The following RORA variants were observed in gnomAD, a reference collection of about 807,000 sequenced individuals.
RORA encodes the protein nuclear receptor ROR-alpha.
In RORA, 7 loss-of-function variants were observed where a neutral mutation model predicts 69.5. The ratio of observed to expected loss-of-function variants is 0.10; its 90% confidence interval spans 0.06 to 0.19. The LOEUF (loss-of-function observed/expected upper bound fraction) is 0.19, where lower values mean the gene tolerates loss of function less well. RORA is among the 10% of genes least tolerant of loss of function. The pLI, the probability that RORA is intolerant of heterozygous loss-of-function variation, is 1.00. For synonymous variants in RORA, 261 were observed against 240.8 expected, an observed-to-expected ratio of 1.08 and a Z score of -0.78; for missense variants, 457 against 663.0, an observed-to-expected ratio of 0.69 and a Z score of 3.41.
At chr15:60,556,608 G>A (rs1051648263) in intron 2 of RORA, among the ~76,000 whole-genome samples, 1 of 152,122 alleles carries the variant, frequency 6.6e-6, no homozygotes, top group Non-Finnish European at 1.5e-5. Context: ...TCACTGACTG[G>A]GGAATGTGCC....
intron 1 of RORA, among the ~76,000 whole-genome samples, chr15:60,730,065 C>T (rs763318291): frequency 2.0e-5 from 3 of 152,134 alleles, no homozygotes; most frequent in Non-Finnish European, 2.9e-5. Context: ...CAAGAGTAAA[C>T]AGCGAATGTT....
chr15:60,793,895 G>A (rs1009431759), intron 1 of RORA, among the ~76,000 whole-genome samples: 1 of 152,234 alleles, frequency 6.6e-6, no homozygotes, highest in Admixed American at 6.5e-5. Flanking sequence ...TTTCTCTCCC[G>A]CCTCAGTGCC....
intron 1 of RORA, among the ~76,000 whole-genome samples, chr15:60,679,609 T>G (rs189595931): frequency 5.9e-5 from 9 of 152,314 alleles, no homozygotes; most frequent in African/African-American, 2.2e-4. Flanking sequence ...TTGAAATTTT[T>G]TTTTCTTTCA....
At chr15:60,613,614 T>A (rs1311602078) in intron 2 of RORA, among the ~76,000 whole-genome samples, 2 of 152,126 alleles carry the variant, frequency 1.3e-5, no homozygotes, top group African/African-American at 4.8e-5. Flanking sequence ...TAAATGAATG[T>A]CTCTTTGTGA....
chr15:60,672,723 G>A (rs1436485936), intron 2 of RORA, among the ~76,000 whole-genome samples: 1 of 152,190 alleles, frequency 6.6e-6, no homozygotes, highest in Non-Finnish European at 1.5e-5. Context: ...GCAGTACAAA[G>A]CTCCTAAAGC....
chr15:61,198,334 C>T (rs984264320), intron 1 of RORA, among the ~76,000 whole-genome samples: 5 of 152,032 alleles, frequency 3.3e-5, no homozygotes, highest in Non-Finnish European at 5.9e-5. Flanking sequence ...AAATTTAGAT[C>T]TAGGAAGATA....
At chr15:60,997,199 A>T (rs1008745322) in intron 1 of RORA, among the ~76,000 whole-genome samples, 1 of 152,180 alleles carries the variant, frequency 6.6e-6, no homozygotes, top group Non-Finnish European at 1.5e-5. Context: ...GGTTTGTTTG[A>T]ATTATACTGA....
intron 1 of RORA, among the ~76,000 whole-genome samples, chr15:60,711,932 A>T (rs893349572): frequency 6.6e-6 from 1 of 152,226 alleles, no homozygotes; most frequent in Non-Finnish European, 1.5e-5. Context: ...GATGTTATAA[A>T]TTATAATAGA....
chr15:60,503,840 T>A lies in RORA; in HGVS notation c.943-173A>T, dbSNP rs191279378. Among the ~76,000 whole-genome samples the A allele has an allele frequency of 2.4e-3, 365 of 152,328 alleles. 1 individual carries two copies. Among genetic ancestry groups the A allele is most frequent in the African/African-American group, 8.5e-3 (353 of 41,572 alleles). On this transcript the variant is annotated intron_variant, in intron 6 of 10. Coordinates refer to ENST00000335670, the MANE Select transcript of RORA (RefSeq NM_134261.3). ...ATTTTTGAGATGGAGTCTCGCTCTG[T>A]CACCCAGGCTGGAGTGCAGTGGAAC... is the stretch of plus-strand genomic sequence containing the variant.
intron 1 of RORA, among the ~76,000 whole-genome samples, chr15:61,164,404 T>G (rs2079523888): frequency 2.0e-5 from 3 of 152,198 alleles, no homozygotes; most frequent in African/African-American, 4.8e-5. Context: ...AAAAAGCTTG[T>G]TTTTCCTGAA....
intron 1 of RORA, among the ~76,000 whole-genome samples, chr15:60,979,244 G>A (rs537745629): frequency 9.8e-4 from 146 of 148,972 alleles, no homozygotes; most frequent in South Asian, 1.7e-3. Flanking sequence ...GATTAAAGGC[G>A]TGAGCCACCG....
intron 1 of RORA, among the ~76,000 whole-genome samples, chr15:60,737,148 G>A (rs1032427420): frequency 6.6e-6 from 1 of 152,164 alleles, no homozygotes; most frequent in African/African-American, 2.4e-5. Context: ...GGTGGTTAGG[G>A]AAGGTATCAA....
In RORA at chr15:60,693,479, T is replaced by C. The variant is rs182381666; in HGVS notation, c.167-14793A>G. On this transcript the variant is annotated intron_variant, in intron 1 of 10. Coordinates refer to ENST00000335670, the MANE Select transcript of RORA (RefSeq NM_134261.3). ...GTCAGGCAAGAGAAAGAAAGAAATATTCTTTCAAATAGGAAGAGAGGAAGT... is the reference window on the plus strand; with the variant it reads ...GTCAGGCAAGAGAAAGAAAGAAATACTCTTTCAAATAGGAAGAGAGGAAGT... Among the ~76,000 whole-genome samples the C allele has an allele frequency of 2.2e-4, 33 of 152,248 alleles. No homozygotes were observed. The East Asian group carries it at 3.1e-3, about 14-fold the overall frequency.
At chr15:60,543,250 A>G (rs2066958752) in intron 2 of RORA, among the ~76,000 whole-genome samples, 2 of 134,042 alleles carry the variant, frequency 1.5e-5, no homozygotes, top group South Asian at 5.0e-4. Flanking sequence ...CCTTGAAGAC[A>G]AAGTGTAGAG....
chr15:60,491,387 T>A lies in RORA; in HGVS notation c.*6068A>T, dbSNP rs1376762013. 1.3e-5 allele frequency: 2 copies of A among 152,148 alleles called. No homozygotes were observed. The highest frequency in any genetic ancestry group is 4.8e-5 in the African/African-American group (2 of 41,438). The allele number at this position is 152,148 out of a possible 1,614,324, so 9.4% of individuals were successfully genotyped here. On this transcript the variant is annotated 3_prime_UTR_variant, in exon 11 of 11. Transcript: ENST00000335670. ...AAGGATGAAAGTAAAAGAAGTGTGG[T>A]ACTGCTAATGTGGCAAAGTACATTA...
chr15:61,151,610 G>A (rs1299813363), intron 1 of RORA, among the ~76,000 whole-genome samples: 1 of 152,128 alleles, frequency 6.6e-6, no homozygotes, highest in Admixed American at 6.5e-5. Context: ...AAATCCCACA[G>A]GATAAGAACT....
Position 60,870,004 on chromosome 15 carries a change from C to T in RORA, c.167-191318G>A, listed in dbSNP as rs73430057. 3.5e-3 allele frequency among the ~76,000 whole-genome samples: 529 copies of T among 152,312 alleles called. 6 individuals are homozygous for T. Among genetic ancestry groups the T allele is most frequent in the African/African-American group, 0.012 (512 of 41,564 alleles). On this transcript the variant is annotated intron_variant, in intron 1 of 10. Coordinates refer to ENST00000335670, the MANE Select transcript of RORA (RefSeq NM_134261.3). The stretch of plus-strand genomic sequence containing the variant: ...TTGGTTGCCTGCTTATCTTTTCTCA[C>T]TGTGGTTGACTGGGCCAAGGAAAAT...
chr15:61,079,356 C>T (rs1017591947), intron 1 of RORA, among the ~76,000 whole-genome samples: 4 of 152,150 alleles, frequency 2.6e-5, no homozygotes, highest in East Asian at 1.9e-4. Flanking sequence ...ATTGCCAGAT[C>T]GTAGACACAG....
At chr15:60,940,531 G>A (rs904711454) in intron 1 of RORA, among the ~76,000 whole-genome samples, 3 of 152,182 alleles carry the variant, frequency 2.0e-5, no homozygotes, top group African/African-American at 4.8e-5. Flanking sequence ...CAAGAGGCCC[G>A]AGGGAACATT....
Sources: gnomAD v4.1 joint callset for allele counts (sites outside exome capture counted in the v4.1 genomes callset) on GRCh38, gnomAD v4.1.1 for gene constraint, MANE v1.5 for transcripts, NCBI Gene and HGNC (gene_info 2026-07-23, HGNC 2026-07-21) for gene names.